BTBD2: variants seen among roughly 807,000 people sequenced by gnomAD.
BTBD2 encodes the protein BTB domain containing 2, also known as BTB/POZ domain-containing protein 2.
In BTBD2, 15 loss-of-function variants were observed where a neutral mutation model predicts 44.0. The ratio of observed to expected loss-of-function variants is 0.34; its 90% CI spans 0.23 to 0.53. The LOEUF is 0.53. Ranked by LOEUF, BTBD2 falls within the 20% of genes least tolerant of loss-of-function variation. BTBD2 has a pLI of 0.95. For synonymous variants in BTBD2, 443 were observed against 335.9 expected (o/e 1.32, Z -3.49); for missense variants, 657 against 746.4 (o/e 0.88, Z 1.39).
rs2016079808 is a variant in BTBD2 at position 1,986,299 on chromosome 19, TC to T, written c.*188del. On this transcript the variant is annotated 3_prime_UTR_variant, in exon 9 of 9. Transcript: ENST00000255608. ...CTGGCCACCTCCCCGGCTGCCCTGATCCAGCAGCCACACTCGTGGTGAACAC... is the reference window on the plus strand; with the variant it reads ...CTGGCCACCTCCCCGGCTGCCCTGATCAGCAGCCACACTCGTGGTGAACAC... 2 of 701,564 alleles carry T rather than the reference TC, an allele frequency of 2.9e-6. No individual in the cohort carries two copies. Among genetic ancestry groups the T allele is most frequent in the Non-Finnish European group, 4.7e-6 (2 of 428,686 alleles). The allele number at this position is 701,564 out of a possible 1,614,324, so 43.5% of individuals were successfully genotyped here.
chr19:1,990,574 C>T, intron 4 of BTBD2, 143 bp downstream of exon 4: 2 of 795,502 alleles, frequency 2.5e-6, no homozygotes, highest in South Asian at 1.8e-5. Context: ...TGTGCTAGGA[C>T]CCAAACTCCT....
At chr19:1,989,709 T>TC in intron 5 of BTBD2, 4 of 444,314 alleles carry the variant, frequency 9.0e-6, no homozygotes, top group Non-Finnish European at 1.7e-5. Flanking sequence ...CACCAGCAGG[T>TC]AGCACAAGGG....
At chr19:2,002,866 G>A (rs2016347375) in intron 1 of BTBD2, 1 of 129,118 alleles carries the variant, frequency 7.7e-6, no homozygotes, top group East Asian at 2.2e-4. Context: ...GACAGAGTGA[G>A]ACTCCGTCTC....
chr19:1,997,538 C>T (rs2016267854), intron 1 of BTBD2, 75 bp from the exon 2 acceptor site: 1 of 1,589,182 alleles, frequency 6.3e-7, no homozygotes, highest in African/African-American at 1.3e-5. Context: ...GCCCGGTATC[C>T]TGGGTGACCA....
In BTBD2 at chr19:1,990,494, G is replaced by A. The variant is rs548397931; in HGVS notation, c.790+223C>T. 5 of 610,764 alleles carry A rather than the reference G, an allele frequency of 8.2e-6. No homozygotes were observed. In the South Asian group the frequency reaches 1.0e-4, roughly 12 times the overall value. The allele number at this position is 610,764 out of a possible 1,614,324, so 37.8% of individuals were successfully genotyped here. ...CCATGGACCATCGGAGGACGAGATG[G>A]TCACCATCAGCTGGGATGGTGGGCT... On this transcript the variant is annotated intron_variant, in intron 4 of 8. Transcript: ENST00000255608.
intron 1 of BTBD2, 122 bp from the exon 2 acceptor site, chr19:1,997,585 G>T: frequency 7.0e-7 from 1 of 1,420,394 alleles, no homozygotes; most frequent in Non-Finnish European, 9.5e-7. Flanking sequence ...CAGCAGGCAT[G>T]TACCAGGCCC....
intron 5 of BTBD2, chr19:1,987,945 A>T (rs1326279207): frequency 3.9e-6 from 2 of 506,690 alleles, no homozygotes; most frequent in South Asian, 5.3e-5. Context: ...GGTCTGACAG[A>T]TGCACTCACT....
chr19:1,992,335 G>A (rs926615057), intron 3 of BTBD2, among the ~76,000 whole-genome samples: 1 of 151,922 alleles, frequency 6.6e-6, no homozygotes, highest in Non-Finnish European at 1.5e-5. Context: ...CCTGACCTCT[G>A]GTGATCTGCC....
chr19:1,999,513 A>G (rs1182559151), intron 1 of BTBD2, among the ~76,000 whole-genome samples: 1 of 152,150 alleles, frequency 6.6e-6, no homozygotes, highest in Non-Finnish European at 1.5e-5. Context: ...AAAAACATTG[A>G]AAATTAGCCA....
At chr19:1,994,228 A>G (rs931901230) in intron 2 of BTBD2, among the ~76,000 whole-genome samples, 2 of 151,730 alleles carry the variant, frequency 1.3e-5, no homozygotes, top group African/African-American at 4.8e-5. Context: ...AGGCACAAGA[A>G]TCGCTTGAAC....
intron 4 of BTBD2, chr19:1,990,467 A>G (rs986397031): frequency 4.9e-6 from 3 of 608,790 alleles, no homozygotes; most frequent in Admixed American, 3.0e-5. Flanking sequence ...GCAAAGTCAA[A>G]GCCATGGACC....
chr19:1,998,876 G>GC (rs1367113336), intron 1 of BTBD2, among the ~76,000 whole-genome samples: 2 of 152,074 alleles, frequency 1.3e-5, no homozygotes, highest in Non-Finnish European at 2.9e-5. Flanking sequence ...CGGAGCACCT[G>GC]CCCCAGGACG....
At chr19:2,006,698 T>A (rs1285604960) in intron 1 of BTBD2, among the ~76,000 whole-genome samples, 1 of 151,902 alleles carries the variant, frequency 6.6e-6, no homozygotes. Flanking sequence ...TAAGTTTTTT[T>A]TTTTTCTGAG....
chr19:1,990,994 A>C, intron 3 of BTBD2, 172 bp from the exon 4 acceptor site: 1 of 596,250 alleles, frequency 1.7e-6, no homozygotes, highest in Non-Finnish European at 3.0e-6. Flanking sequence ...GGGCCCAGAG[A>C]CTCCCCTGTG....
Position 1,985,679 on chromosome 19 carries a change from C to G in BTBD2, c.*809G>C, listed in dbSNP as rs2016067922. The G allele has an allele frequency of 6.6e-6, 1 of 152,392 alleles. No individual in the cohort carries two copies. Among genetic ancestry groups the G allele is most frequent in the Non-Finnish European group, 1.5e-5 (1 of 68,186 alleles). The allele number at this position is 152,392 out of a possible 1,614,324, so 9.4% of individuals were successfully genotyped here. ...ACAGTATGTACAGGCGAGCAGTGCT[C>G]CTGGACCCGGTCGGGGCCGGCTGGG... is the stretch of plus-strand genomic sequence containing the variant. On this transcript the variant is annotated 3_prime_UTR_variant, in exon 9 of 9. Coordinates refer to ENST00000255608, the MANE Select transcript of BTBD2 (RefSeq NM_017797.4).
chr19:2,003,790 GAAAGA>G (rs199521716), intron 1 of BTBD2, among the ~76,000 whole-genome samples: 43 of 146,614 alleles, frequency 2.9e-4, no homozygotes, highest in African/African-American at 7.6e-4. Context: ...AAAAAAAAGA[GAAAGA>G]AAAGAAAAGA....
chr19:1,987,040 C>T (rs2016096292), intron 7 of BTBD2, 64 bp from the exon 8 acceptor site: 1 of 1,594,138 alleles, frequency 6.3e-7, no homozygotes, highest in African/African-American at 1.3e-5. Flanking sequence ...CCCTCGAGGC[C>T]CAGCCCACCT....
chr19:2,003,120 C>G (rs1163614058), intron 1 of BTBD2: 1 of 151,866 alleles, frequency 6.6e-6, no homozygotes, highest in East Asian at 1.9e-4. Flanking sequence ...AGCTGAAGAT[C>G]AGCCTGAGCA....
chr19:2,004,350 C>CATG lies in BTBD2; in HGVS notation c.408-6890_408-6888dup, dbSNP rs533332232. Among the ~76,000 whole-genome samples the CATG allele has an allele frequency of 1.8e-4, 27 of 148,822 alleles. No individual in the cohort carries two copies. In the South Asian group the frequency reaches 5.7e-3, roughly 32 times the overall value. Reference sequence around the variant, plus strand: ...TGTTGCCTAGGCTGGAGTGCAATGGCATGATCTCAGCTCACCACAAAATCA... The same window carrying CATG: ...TGTTGCCTAGGCTGGAGTGCAATGGCATGATGATCTCAGCTCACCACAAAATCA... On this transcript the variant is annotated intron_variant, in intron 1 of 8. Coordinates refer to ENST00000255608, the MANE Select transcript of BTBD2 (RefSeq NM_017797.4).
Sources: gnomAD v4.1 joint callset for allele counts (sites outside exome capture counted in the v4.1 genomes callset) on GRCh38, gnomAD v4.1.1 for gene constraint, MANE v1.5 for transcripts, NCBI Gene and HGNC (gene_info 2026-07-23, HGNC 2026-07-21) for gene names.